MDGA2: variants seen among roughly 807,000 people sequenced by gnomAD.
MDGA2 encodes MAM domain-containing glycosylphosphatidylinositol anchor protein 2.
Under a neutral mutation model 117.8 loss-of-function variants are expected in MDGA2, and 40 were observed. That is an observed-to-expected ratio of 0.34 (90% CI 0.26 to 0.44). The LOEUF is 0.44. Ranked by LOEUF, MDGA2 falls within the 20% of genes least tolerant of loss-of-function variation. The pLI is 1.00. For synonymous variants in MDGA2, 452 were observed against 439.0 expected (o/e 1.03, Z -0.37); for missense variants, 1,123 against 1,250.6 (o/e 0.90, Z 1.54).
intron 8 of MDGA2, among the ~76,000 whole-genome samples, chr14:47,015,269 T>C (rs1888041285): frequency 6.6e-6 from 1 of 151,342 alleles, no homozygotes; most frequent in Non-Finnish European, 1.5e-5. Flanking sequence ...GTTTGAAATA[T>C]TGCAAGAATT....
rs17572042 is a variant in MDGA2, at chr14:47,127,373, A to T, written c.925+4341T>A. On this transcript the variant is annotated intron_variant, in intron 5 of 16. Transcript: ENST00000399232. Reference sequence around the variant, plus strand: ...CATGAGGATGTTCTAAGCTTAATTTATACCCTGTGTATTTTGAAAGCTACC... The same window carrying T: ...CATGAGGATGTTCTAAGCTTAATTTTTACCCTGTGTATTTTGAAAGCTACC... 4.1e-3 allele frequency among the ~76,000 whole-genome samples: 618 copies of T among 152,230 alleles called. 2 individuals are homozygous for T. The highest frequency in any genetic ancestry group is 6.3e-3 in the Non-Finnish European group (429 of 67,968).
At chr14:47,635,640 C>A (rs1409763992) in intron 1 of MDGA2, among the ~76,000 whole-genome samples, 7 of 152,150 alleles carry the variant, frequency 4.6e-5, no homozygotes, top group African/African-American at 1.7e-4. Flanking sequence ...ATATCAATTT[C>A]TGGGTACAAA....
intron 1 of MDGA2, among the ~76,000 whole-genome samples, chr14:47,608,224 C>T (rs946447780): frequency 1.3e-5 from 2 of 152,070 alleles, no homozygotes; most frequent in African/African-American, 4.8e-5. Flanking sequence ...TAGGAATAAG[C>T]ACAAGTAGTT....
intron 8 of MDGA2, among the ~76,000 whole-genome samples, chr14:46,981,951 T>C (rs1005244270): frequency 1.3e-5 from 2 of 152,210 alleles, no homozygotes; most frequent in African/African-American, 4.8e-5. Context: ...ACAGAAGTGA[T>C]GGATAGGAGG....
chr14:47,665,584 A>T (rs1297002209), intron 1 of MDGA2, among the ~76,000 whole-genome samples: 1 of 152,088 alleles, frequency 6.6e-6, no homozygotes, highest in African/African-American at 2.4e-5. Context: ...GGCCAGCTGG[A>T]GTTCCGGGTG....
intron 10 of MDGA2, among the ~76,000 whole-genome samples, chr14:46,898,090 A>G (rs892317190): frequency 1.3e-5 from 2 of 152,078 alleles, no homozygotes; most frequent in Admixed American, 1.3e-4. Flanking sequence ...ATAACAAATA[A>G]ATGAAAAGAT....
intron 1 of MDGA2, among the ~76,000 whole-genome samples, chr14:47,608,180 G>GCATA (rs1374516493): frequency 6.6e-6 from 1 of 152,112 alleles, no homozygotes; most frequent in African/African-American, 2.4e-5. Context: ...ACTGAATGAT[G>GCATA]CATAGCATGT....
chr14:47,673,632 A>ATGTGTGTGTGTGTGTGTGTGTGTGTG (rs10528657), intron 1 of MDGA2, among the ~76,000 whole-genome samples: 1 of 143,980 alleles, frequency 6.9e-6, no homozygotes, highest in Non-Finnish European at 1.5e-5. Context: ...TATGACCTGG[A>ATGTGTGTGTGTGTGTGTGTGTGTGTG]TGTGTGTGTG....
At chr14:47,327,596 A>G (rs1890180542) in intron 1 of MDGA2, among the ~76,000 whole-genome samples, 1 of 152,112 alleles carries the variant, frequency 6.6e-6, no homozygotes, top group Non-Finnish European at 1.5e-5. Flanking sequence ...ATAACAGTTT[A>G]TTTCATCTTC....
chr14:47,209,787 T>C (rs1334791605), intron 3 of MDGA2, among the ~76,000 whole-genome samples: 4 of 152,166 alleles, frequency 2.6e-5, no homozygotes, highest in Non-Finnish European at 5.9e-5. Context: ...ATTTTATTAA[T>C]AGGGCAATTT....
chr14:47,317,247 G>A (rs1889835908), intron 1 of MDGA2, among the ~76,000 whole-genome samples: 1 of 151,976 alleles, frequency 6.6e-6, no homozygotes, highest in Admixed American at 6.6e-5. Context: ...TAGCTGTACA[G>A]GTACTCAAAA....
At chr14:47,112,856 C>T (rs1327321513) in intron 5 of MDGA2, among the ~76,000 whole-genome samples, 1 of 152,162 alleles carries the variant, frequency 6.6e-6, no homozygotes, top group African/African-American at 2.4e-5. Context: ...TACATTCCCA[C>T]CAACAGTGTA....
At chr14:47,293,254 A>AT in intron 2 of MDGA2, among the ~76,000 whole-genome samples, 1 of 152,170 alleles carries the variant, frequency 6.6e-6, no homozygotes, top group South Asian at 2.1e-4. Flanking sequence ...GATAGCTCCT[A>AT]TATCTCTAGC....
intron 1 of MDGA2, among the ~76,000 whole-genome samples, chr14:47,475,773 A>G (rs1316235771): frequency 6.6e-6 from 1 of 152,204 alleles, no homozygotes; most frequent in Non-Finnish European, 1.5e-5. Flanking sequence ...GAGCTGAACT[A>G]TGAGAACACA....
At chr14:47,375,738 G>C (rs1035175315) in intron 1 of MDGA2, among the ~76,000 whole-genome samples, 1 of 151,810 alleles carries the variant, frequency 6.6e-6, no homozygotes, top group African/African-American at 2.4e-5. Flanking sequence ...CTAACCTCTA[G>C]AACAATGGAT....
At chr14:46,972,520 C>T (rs1160472697) in intron 8 of MDGA2, among the ~76,000 whole-genome samples, 9 of 152,054 alleles carry the variant, frequency 5.9e-5, no homozygotes, top group Admixed American at 5.9e-4. Context: ...ATATTTATAA[C>T]AAATGTGTAA....
chr14:47,340,380 A>G (rs951227964), intron 1 of MDGA2, among the ~76,000 whole-genome samples: 16 of 152,322 alleles, frequency 1.1e-4, no homozygotes, highest in African/African-American at 3.6e-4. Context: ...TTTCCCAGTC[A>G]GTAAACCAAA....
intron 1 of MDGA2, among the ~76,000 whole-genome samples, chr14:47,469,411 T>C (rs1273926807): frequency 6.6e-6 from 1 of 152,134 alleles, no homozygotes; most frequent in Non-Finnish European, 1.5e-5. Context: ...GGTGTTTGGT[T>C]TTTTGTCCTT....
At chr14:47,084,909 T>C (rs1032707056) in intron 6 of MDGA2, among the ~76,000 whole-genome samples, 11 of 149,562 alleles carry the variant, frequency 7.4e-5, no homozygotes, top group Admixed American at 4.1e-4. Context: ...ACCCAGTCTA[T>C]GGTATTTTTG....
Sources: allele counts gnomAD v4.1 joint callset (sites outside exome capture counted in the v4.1 genomes callset), GRCh38; gene constraint gnomAD v4.1.1; transcripts MANE v1.5; gene names NCBI Gene and HGNC (gene_info 2026-07-23, HGNC 2026-07-21).